The following CNTNAP2 variants were observed in gnomAD, a reference collection of about 807,000 sequenced individuals.
The protein encoded by CNTNAP2 is contactin associated protein 2.
Under a neutral mutation model 155.2 loss-of-function variants are expected in CNTNAP2, and 98 were observed. That is an observed-to-expected ratio of 0.63 (90% CI 0.54 to 0.75). The LOEUF is 0.75. Ranked by LOEUF, CNTNAP2 falls within the 30% of genes least tolerant of loss-of-function variation. The probability of loss-of-function intolerance (pLI) is 0.00; values close to 1 mark genes in which losing one functional copy is unlikely to be tolerated. For synonymous variants in CNTNAP2, 651 were observed against 631.2 expected (o/e 1.03, Z -0.47); for missense variants, 1,727 against 1,688.1 (o/e 1.02, Z -0.40).
intron 18 of CNTNAP2, among the ~76,000 whole-genome samples, chr7:148,214,120 C>A (rs1037412682): frequency 1.7e-4 from 26 of 152,210 alleles, no homozygotes; most frequent in African/African-American, 6.3e-4. Context: ...TTCCACCACC[C>A]CTGTGTTCCA....
At chr7:146,523,113 A>G (rs956573526) in intron 1 of CNTNAP2, among the ~76,000 whole-genome samples, 11 of 152,006 alleles carry the variant, frequency 7.2e-5, no homozygotes, top group Non-Finnish European at 1.6e-4. Flanking sequence ...TATATACTGC[A>G]CCATCTGTGT....
At chr7:146,936,705 C>T (rs1185731440) in intron 3 of CNTNAP2, among the ~76,000 whole-genome samples, 1 of 152,176 alleles carries the variant, frequency 6.6e-6, no homozygotes, top group Non-Finnish European at 1.5e-5. Flanking sequence ...CAAATCCCAG[C>T]AGCCATACTT....
chr7:147,167,511 G>C (rs917253989), intron 8 of CNTNAP2: 3 of 844,940 alleles, frequency 3.6e-6, no homozygotes, highest in Non-Finnish European at 5.7e-6. Flanking sequence ...AGCTTTGACA[G>C]AGCATTATAA....
chr7:146,984,595 G>A (rs16883258), intron 3 of CNTNAP2, among the ~76,000 whole-genome samples: 1,690 of 152,192 alleles, frequency 0.011, 29 homozygotes, highest in African/African-American at 0.037. Flanking sequence ...TTGAAAGGAT[G>A]AGATGATAAC....
chr7:147,078,754 AT>A (rs374400116), intron 4 of CNTNAP2, among the ~76,000 whole-genome samples: 23,788 of 145,280 alleles, frequency 0.16, 5,005 homozygotes, highest in African/African-American at 0.5. Context: ...GTCTCATTTA[AT>A]TTTTTTTTTT....
chr7:146,163,588 T>C (rs1268256679), intron 1 of CNTNAP2, among the ~76,000 whole-genome samples: 1 of 145,138 alleles, frequency 6.9e-6, no homozygotes, highest in Non-Finnish European at 1.5e-5. Flanking sequence ...TATCTATCTA[T>C]ATATATATAT....
intron 11 of CNTNAP2, among the ~76,000 whole-genome samples, chr7:147,547,035 G>A (rs1424327079): frequency 2.6e-5 from 4 of 152,142 alleles, no homozygotes. Context: ...CACAGCAGTG[G>A]CTGCAGTAAG....
intron 12 of CNTNAP2, among the ~76,000 whole-genome samples, chr7:147,590,796 C>T (rs1800721599): frequency 6.6e-6 from 1 of 152,086 alleles, no homozygotes; most frequent in Non-Finnish European, 1.5e-5. Context: ...TAATAGTTTA[C>T]ATAGAATGAT....
intron 14 of CNTNAP2, among the ~76,000 whole-genome samples, chr7:147,976,336 GCACTAA>G (rs1801425633): frequency 1.3e-5 from 2 of 152,058 alleles, no homozygotes; most frequent in South Asian, 4.1e-4. Flanking sequence ...CCTTTAAGAA[GCACTAA>G]ATATTAAGTT....
intron 21 of CNTNAP2, among the ~76,000 whole-genome samples, chr7:148,342,892 T>C (rs753585601): frequency 6.6e-6 from 1 of 152,230 alleles, no homozygotes; most frequent in Non-Finnish European, 1.5e-5. Flanking sequence ...CCAGAGTTTC[T>C]TTACAATGGG....
At chr7:146,918,876 T>G (rs1318832285) in intron 3 of CNTNAP2, among the ~76,000 whole-genome samples, 1 of 152,236 alleles carries the variant, frequency 6.6e-6, no homozygotes, top group Non-Finnish European at 1.5e-5. Context: ...GCTCCTTTTT[T>G]AAAAATTCAT....
chr7:147,480,375 A>AT (rs1798400057), intron 10 of CNTNAP2, among the ~76,000 whole-genome samples: 1 of 152,212 alleles, frequency 6.6e-6, no homozygotes, highest in Admixed American at 6.5e-5. Context: ...TAAAGTTGGC[A>AT]TTAGTCTAAA....
intron 11 of CNTNAP2, among the ~76,000 whole-genome samples, chr7:147,524,086 A>G (rs1799274755): frequency 6.6e-6 from 1 of 152,242 alleles, no homozygotes; most frequent in Non-Finnish European, 1.5e-5. Flanking sequence ...ACTTCGGGTC[A>G]GACTCTCACA....
In CNTNAP2 at chr7:148,351,543, G is replaced by A. The variant is rs543557314; in HGVS notation, c.3476-32106G>A. Reference sequence around the variant, plus strand: ...GCAGATCACGAGGTCAGGAGTTCAAGACCAGCCTGACCAACATGGTGAAAC... The same window carrying A: ...GCAGATCACGAGGTCAGGAGTTCAAAACCAGCCTGACCAACATGGTGAAAC... On this transcript the variant is annotated intron_variant, in intron 21 of 23. Coordinates refer to ENST00000361727, the MANE Select transcript of CNTNAP2 (RefSeq NM_014141.6). Among the ~76,000 whole-genome samples the A allele has an allele frequency of 7.2e-5, 11 of 151,948 alleles. No individual in the cohort carries two copies. In the South Asian group the frequency reaches 1.0e-3, roughly 14 times the overall value.
intron 8 of CNTNAP2, among the ~76,000 whole-genome samples, chr7:147,169,085 A>G (rs1802176694): frequency 6.6e-6 from 1 of 152,134 alleles, no homozygotes; most frequent in Non-Finnish European, 1.5e-5. Flanking sequence ...TAAAATAAAA[A>G]TATATGTGTT....
chr7:147,324,824 G>A (rs1405980431), intron 9 of CNTNAP2, among the ~76,000 whole-genome samples: 2 of 151,506 alleles, frequency 1.3e-5, no homozygotes, highest in Non-Finnish European at 2.9e-5. Context: ...AATTTTCATT[G>A]CCAGTGAAGA....
At chr7:146,165,046 C>T (rs1055319972) in intron 1 of CNTNAP2, among the ~76,000 whole-genome samples, 15 of 152,116 alleles carry the variant, frequency 9.9e-5, no homozygotes, top group African/African-American at 3.4e-4. Flanking sequence ...AATTAAAATA[C>T]GGTGCCCTTA....
intron 20 of CNTNAP2, among the ~76,000 whole-genome samples, chr7:148,235,071 T>A (rs527786462): frequency 6.6e-6 from 1 of 152,218 alleles, no homozygotes; most frequent in Non-Finnish European, 1.5e-5. Flanking sequence ...GATCCCCAAG[T>A]TCTTACACCA....
chr7:147,838,505 A>G (rs1287754936), intron 13 of CNTNAP2, among the ~76,000 whole-genome samples: 1 of 152,138 alleles, frequency 6.6e-6, no homozygotes, highest in African/African-American at 2.4e-5. Flanking sequence ...CACCTCTTCA[A>G]TGTTTTTCTG....
Sources: allele counts gnomAD v4.1 joint callset (sites outside exome capture counted in the v4.1 genomes callset), GRCh38; gene constraint gnomAD v4.1.1; transcripts MANE v1.5; gene names NCBI Gene and HGNC (gene_info 2026-07-23, HGNC 2026-07-21).